The following FAXC variants were observed in gnomAD, a reference collection of about 807,000 sequenced individuals.
The protein encoded by FAXC is failed axon connections homolog, metaxin like GST domain containing, also known as failed axon connections homolog.
A neutral mutation model predicts 41.9 loss-of-function variants in FAXC; 10 were observed. That is an observed-to-expected ratio of 0.24 (90% CI 0.15 to 0.41). The LOEUF (loss-of-function observed/expected upper bound fraction) is 0.41. Ranked by LOEUF, FAXC falls within the 10% of genes least tolerant of loss-of-function variation. The pLI, the probability that FAXC is intolerant of heterozygous loss-of-function variation, is 1.00. For synonymous variants in FAXC, 183 were observed against 183.8 expected, an observed-to-expected ratio of 1.00 and a Z score of 0.03; for missense variants, 399 against 510.9, an observed-to-expected ratio of 0.78 and a Z score of 2.11.
chr6:99,349,811 G>A (rs1365243159), upstream of FAXC, among the ~76,000 whole-genome samples: 3 of 151,968 alleles, frequency 2.0e-5, no homozygotes, highest in African/African-American at 7.2e-5. Context: ...AGGCGCGCCG[G>A]GCAGGCTCCG....
chr6:99,294,376 G>C (rs1478281391), intron 4 of FAXC, among the ~76,000 whole-genome samples: 5 of 152,192 alleles, frequency 3.3e-5, no homozygotes, highest in African/African-American at 1.2e-4. Flanking sequence ...CTGCACAGGA[G>C]CTCTCCTGCC....
At chr6:99,327,391 C>G (rs1772853744) in intron 3 of FAXC, among the ~76,000 whole-genome samples, 1 of 152,150 alleles carries the variant, frequency 6.6e-6, no homozygotes, top group South Asian at 2.1e-4. Context: ...TGGTTGGAGC[C>G]TCTACCCCAA....
At chr6:99,285,612 A>G (rs1447263231) in intron 5 of FAXC, among the ~76,000 whole-genome samples, 1 of 152,214 alleles carries the variant, frequency 6.6e-6, no homozygotes, top group Non-Finnish European at 1.5e-5. Context: ...TTTTTAAACT[A>G]TACCTTTGTA....
chr6:99,349,216 T>G lies in FAXC; in HGVS notation c.157A>C (p.Ile53Leu). ...IAFPLQDYGG[I>L]MAGLGSDPWW... The stretch of plus-strand genomic sequence containing the variant: ...GGATCGGAGCCCAGCCCTGCCATGA[T>G]CCCACCGTAATCCTGCAAAGGGAAA... Residue 53 changes from isoleucine (I) to leucine (L), a missense_variant, in exon 1 of 6, where the codon ATC becomes CTC. Physicochemically the swap from Ile to Leu is conservative, Grantham distance 5. Transcript: ENST00000389677. 1 of 1,613,874 alleles carries G rather than the reference T, an allele frequency of 6.2e-7. No individual in the cohort carries two copies. Among genetic ancestry groups the G allele is most frequent in the Non-Finnish European group, 8.5e-7 (1 of 1,179,996 alleles).
intron 3 of FAXC, among the ~76,000 whole-genome samples, chr6:99,324,383 T>C (rs1203061842): frequency 6.6e-6 from 1 of 152,108 alleles, no homozygotes; most frequent in African/African-American, 2.4e-5. Context: ...GCTTTTTTGA[T>C]AGCGCATTAG....
rs1770811850 is a variant in FAXC, at chr6:99,281,072, TCTC to T, written c.*89_*91del. 4 of 719,498 alleles carry T rather than the reference TCTC, an allele frequency of 5.6e-6. No individual in the cohort carries two copies. The African/African-American group carries it at 7.0e-5, about 13-fold the overall frequency. The allele number at this position is 719,498 out of a possible 1,614,324, so 44.6% of individuals were successfully genotyped here. On this transcript the variant is annotated 3_prime_UTR_variant, in exon 6 of 6. Transcript: ENST00000389677. ...GTGAAAACTCTGCCAAGCACGAAGA[TCTC>T]CTCCCAGCTCGGATGGATTGCTACC... is the stretch of plus-strand genomic sequence containing the variant.
At chr6:99,281,775 G>A (rs973030406) in intron 5 of FAXC, among the ~76,000 whole-genome samples, 14 of 152,190 alleles carry the variant, frequency 9.2e-5, no homozygotes, top group Admixed American at 4.6e-4. Flanking sequence ...GGCCAGAGTC[G>A]TGATCCTGCA....
At chr6:99,340,915 C>G (rs897475459) in intron 2 of FAXC, among the ~76,000 whole-genome samples, 3 of 152,006 alleles carry the variant, frequency 2.0e-5, no homozygotes, top group African/African-American at 7.2e-5. Flanking sequence ...GGGATCCATC[C>G]TCCTCGGCCT....
chr6:99,338,948 G>A (rs1773317678), intron 2 of FAXC, among the ~76,000 whole-genome samples: 2 of 152,018 alleles, frequency 1.3e-5, no homozygotes, highest in Admixed American at 6.6e-5. Flanking sequence ...GCCCCAATCC[G>A]AAGTCTGGAC....
At chr6:99,316,844 C>T (rs1772375983) in intron 4 of FAXC, among the ~76,000 whole-genome samples, 1 of 152,168 alleles carries the variant, frequency 6.6e-6, no homozygotes, top group Admixed American at 6.5e-5. Flanking sequence ...TATTCTACAG[C>T]AAAATTCAAT....
In FAXC at chr6:99,333,414, A is replaced by C. The variant is rs1773101097; in HGVS notation, c.536T>G (p.Leu179Arg). 1 of 1,614,004 alleles carries C rather than the reference A, an allele frequency of 6.2e-7. No homozygotes were observed. Among genetic ancestry groups the C allele is most frequent in the Admixed American group, 1.7e-5 (1 of 59,980 alleles). Reference protein sequence around the residue: ...EKLGVNLNKNLGPHERAISRA... With the variant: ...EKLGVNLNKNRGPHERAISRA... Reference sequence around the variant, plus strand: ...GGAGATGGCTCTTTCATGAGGGCCAAGGTTTTTGTTTAAATTCACTCCAAG... The same window carrying C: ...GGAGATGGCTCTTTCATGAGGGCCACGGTTTTTGTTTAAATTCACTCCAAG... Residue 179 changes from leucine (L) to arginine (R), a missense_variant, in exon 3 of 6, where the codon CTT becomes CGT. Leu to Arg is a moderately radical substitution (Grantham distance 102). Coordinates refer to ENST00000389677, the MANE Select transcript of FAXC (RefSeq NM_032511.4).
chr6:99,292,747 A>ATGAGTGCTAAT (rs1384736441), intron 4 of FAXC, among the ~76,000 whole-genome samples: 1 of 152,232 alleles, frequency 6.6e-6, no homozygotes, highest in African/African-American at 2.4e-5. Context: ...AATGTACATT[A>ATGAGTGCTAAT]GCACTCATGA....
intron 2 of FAXC, among the ~76,000 whole-genome samples, chr6:99,336,247 TTTC>T (rs1773213456): frequency 6.6e-6 from 1 of 152,056 alleles, no homozygotes; most frequent in African/African-American, 2.4e-5. Flanking sequence ...GTTGATTTTT[TTTC>T]TTTTTTTCTC....
At chr6:99,284,729 A>G (rs1048588255) in intron 5 of FAXC, among the ~76,000 whole-genome samples, 2 of 152,088 alleles carry the variant, frequency 1.3e-5, no homozygotes, top group African/African-American at 4.8e-5. Flanking sequence ...CCTGGCCAAC[A>G]TGGCGAAACC....
At chr6:99,332,606 T>C (rs1345194057) in intron 3 of FAXC, among the ~76,000 whole-genome samples, 3 of 152,112 alleles carry the variant, frequency 2.0e-5, no homozygotes. Flanking sequence ...CAGGGAAAAC[T>C]CATCAACTCG....
chr6:99,322,119 G>C (rs573333424), intron 4 of FAXC, among the ~76,000 whole-genome samples: 1 of 152,340 alleles, frequency 6.6e-6, no homozygotes, highest in Non-Finnish European at 1.5e-5. Context: ...CCTGGTCCCA[G>C]TGGAGCAAAA....
rs954990660 is a variant in FAXC at position 99,323,661 on chromosome 6, T to C, written c.606A>G (p.Leu202=). ...KMVEEHFYWT[L]AYCQWVDNLN... ...GATTGTCCACCCACTGGCAATAAGC[T>C]AATGTCCTGGAATTGTGTGGAAACA... The change falls in exon 4 of 6, where the codon TTA becomes TTG. Residue 202 remains leucine (L), a synonymous_variant. Coordinates refer to ENST00000389677, the MANE Select transcript of FAXC (RefSeq NM_032511.4). 7.4e-6 allele frequency: 12 copies of C among 1,613,394 alleles called. No individual in the cohort carries two copies. In the African/African-American group the frequency reaches 1.3e-4, roughly 18 times the overall value.
intron 4 of FAXC, among the ~76,000 whole-genome samples, chr6:99,305,829 C>A (rs1771898775): frequency 6.6e-6 from 1 of 151,862 alleles, no homozygotes; most frequent in African/African-American, 2.4e-5. Flanking sequence ...AATGTCAGTT[C>A]TTATCAATAT....
At position 99,291,640 on chromosome 6, in the gene FAXC, T is replaced by C. The variant is rs555308298; in HGVS notation, c.940+64A>G. 1.8e-5 allele frequency: 20 copies of C among 1,129,062 alleles called. No homozygotes were observed. In the African/African-American group the frequency reaches 3.1e-4, roughly 17 times the overall value. The allele number at this position is 1,129,062 out of a possible 1,614,324, so 69.9% of individuals were successfully genotyped here. A position where few individuals can be genotyped will look rare whatever the true frequency, so the allele number is the denominator to read the frequency against. ...AGCATTGGTCTAGAATTCTCCACTGTGCTACCCCACTGCCCACCCAGCCCC... is the reference window on the plus strand; with the variant it reads ...AGCATTGGTCTAGAATTCTCCACTGCGCTACCCCACTGCCCACCCAGCCCC... On this transcript the variant is annotated intron_variant, in intron 5 of 5. Coordinates refer to ENST00000389677, the MANE Select transcript of FAXC (RefSeq NM_032511.4).
Sources: allele counts gnomAD v4.1 joint callset (sites outside exome capture counted in the v4.1 genomes callset), GRCh38; gene constraint gnomAD v4.1.1; transcripts MANE v1.5; gene names NCBI Gene and HGNC (gene_info 2026-07-23, HGNC 2026-07-21).